The following GTF2IRD2 variants were observed in gnomAD, a reference collection of about 807,000 sequenced individuals.
GTF2IRD2 encodes general transcription factor II-I repeat domain-containing protein 2A.
A neutral mutation model predicts 49.2 loss-of-function variants in GTF2IRD2; 8 were observed. The ratio of observed to expected loss-of-function variants is 0.16; its 90% CI spans 0.10 to 0.29. GTF2IRD2 has a LOEUF of 0.29. Among genes scored for constraint, GTF2IRD2 ranks in the 10% least tolerant of loss-of-function variants. GTF2IRD2 has a pLI of 1.00. For missense variants in GTF2IRD2, 130 were observed against 725.7 expected (o/e 0.18, Z 9.43); for synonymous variants, 47 against 289.7 (o/e 0.16, Z 8.51).
In GTF2IRD2 at chr7:74,797,635, T is replaced by C. The variant is rs1432257704; in HGVS notation, c.1877A>G (p.Asp626Gly). Reference sequence around the variant, plus strand: ...TTTTGTGACAAGCCCGTTATTGGCATCCACCATCGCTGGGGTGCCAGTGGA... The same window carrying C: ...TTTTGTGACAAGCCCGTTATTGGCACCCACCATCGCTGGGGTGCCAGTGGA... ...VASTGTPAMV[D>G]ANNGLVTKLK... The change falls in exon 16 of 16, where the codon GAT becomes GGT. Residue 626 changes from aspartate (D) to glycine (G), a missense_variant. Coordinates refer to ENST00000451013, the MANE Select transcript of GTF2IRD2 (RefSeq NM_173537.5). 6.2e-7 allele frequency: 1 copy of C among 1,605,744 alleles called. No individual in the cohort carries two copies. The highest frequency in any genetic ancestry group is 2.3e-5 in the East Asian group (1 of 44,396).
rs1799014446 is a variant in GTF2IRD2, at chr7:74,822,676, T to C, written c.490A>G (p.Thr164Ala). 1 of 650,894 alleles carries C rather than the reference T, an allele frequency of 1.5e-6. No individual in the cohort carries two copies. The highest frequency in any genetic ancestry group is 3.3e-5 in the Admixed American group (1 of 30,458). 40.3% of individuals were successfully genotyped at this position (650,894 alleles called of 1,614,324 possible). ...TTGTTCTCCAAAATCCATTTCAGGG[T>C]TGCAAGGTCGTAATTCTCAGGGTGT... ...FQHPENYDLA[T>A]LKWILENKAG... The change falls in exon 5 of 16, where the codon ACC becomes GCC. Residue 164 changes from threonine (T) to alanine (A), a missense_variant. Thr to Ala is a moderately conservative substitution (Grantham distance 58). Coordinates refer to ENST00000451013, the MANE Select transcript of GTF2IRD2 (RefSeq NM_173537.5).
At chr7:74,799,740 C>G (rs2529327) in intron 15 of GTF2IRD2, among the ~76,000 whole-genome samples, 3 of 152,396 alleles carry the variant, frequency 2.0e-5, no homozygotes, top group East Asian at 1.9e-4. Flanking sequence ...ACCTGGCCAC[C>G]CTGCAGGTAA....
At chr7:74,824,098 GGAGCTTGCAGTGAGCCGAGATT>G (rs1473584629) in intron 4 of GTF2IRD2, among the ~76,000 whole-genome samples, 2 of 121,266 alleles carry the variant, frequency 1.6e-5, no homozygotes, top group Non-Finnish European at 3.4e-5. Context: ...CCCGAGAGGC[GGAGCTTGCAGTGAGCCGAGATT>G]GAGCCACTGC....
At chr7:74,830,047 G>A (rs1320420427) in intron 3 of GTF2IRD2, among the ~76,000 whole-genome samples, 2 of 150,392 alleles carry the variant, frequency 1.3e-5, no homozygotes, top group Non-Finnish European at 3.0e-5. Flanking sequence ...ATAGATCTAC[G>A]GAATAGGGTA....
At chr7:74,836,544 T>G (rs2131791668) in intron 1 of GTF2IRD2, among the ~76,000 whole-genome samples, 161 bp from the exon 2 acceptor site, 1 of 150,422 alleles carries the variant, frequency 6.6e-6, no homozygotes, top group Non-Finnish European at 1.5e-5. Context: ...AGCTCCTGAA[T>G]AGTAATGCTA....
chr7:74,835,917 G>A (rs1188728836), intron 2 of GTF2IRD2, among the ~76,000 whole-genome samples: 1 of 122,414 alleles, frequency 8.2e-6, no homozygotes, highest in Non-Finnish European at 1.5e-5. Context: ...CCCGGGAGGC[G>A]GAGGTTGCAG....
intron 10 of GTF2IRD2, among the ~76,000 whole-genome samples, chr7:74,809,784 A>G (rs1444877641): frequency 8.2e-5 from 11 of 134,958 alleles, no homozygotes; most frequent in Non-Finnish European, 1.2e-4. Context: ...GGAAATCTTT[A>G]TTATTATTAT....
At chr7:74,798,588 A>C (rs1349158609) in intron 15 of GTF2IRD2, among the ~76,000 whole-genome samples, 2 of 150,172 alleles carry the variant, frequency 1.3e-5, no homozygotes, top group Non-Finnish European at 3.0e-5. Context: ...GGCTCACTGC[A>C]ACTTCTGCCT....
chr7:74,841,232 A>G (rs1800803803), intron 1 of GTF2IRD2, among the ~76,000 whole-genome samples: 1 of 114,064 alleles, frequency 8.8e-6, no homozygotes, highest in Non-Finnish European at 1.7e-5. Flanking sequence ...AAATGGCATG[A>G]TCTTGGCTCA....
At chr7:74,836,888 T>TC (rs1237100596) in intron 1 of GTF2IRD2, among the ~76,000 whole-genome samples, 2 of 137,286 alleles carry the variant, frequency 1.5e-5, no homozygotes, top group African/African-American at 5.9e-5. Context: ...TTTCTTTCTT[T>TC]CTTTTTTTTT....
intron 15 of GTF2IRD2, among the ~76,000 whole-genome samples, chr7:74,798,524 G>T (rs1304482025): frequency 1.3e-4 from 20 of 151,742 alleles, no homozygotes; most frequent in East Asian, 9.8e-4. Flanking sequence ...TGTCGTTGTT[G>T]TTGAGACGGA....
Position 74,802,104 on chromosome 7 carries a change from ATTT to A in GTF2IRD2, c.1218-94_1218-92del, listed in dbSNP as rs1162436877. ...ATTTTTTTTTAATTTTTACTTATTT[ATTT>A]TTTTACAGAAGAATATTTATTTATT... On this transcript the variant is annotated intron_variant, in intron 14 of 15. Transcript: ENST00000451013. 270 of 89,506 alleles carry A rather than the reference ATTT, an allele frequency of 3.0e-3. 31 individuals are homozygous for A. Among genetic ancestry groups the A allele is most frequent in the African/African-American group, 0.016 (241 of 15,258 alleles). The allele number at this position is 89,506 out of a possible 1,614,324, so 5.5% of individuals were successfully genotyped here.
At chr7:74,842,765 G>C (rs587659793) in intron 1 of GTF2IRD2, among the ~76,000 whole-genome samples, 1 of 145,310 alleles carries the variant, frequency 6.9e-6, no homozygotes, top group African/African-American at 2.7e-5. Flanking sequence ...TGTTGCCCAC[G>C]CTGGTCTCAA....
intron 1 of GTF2IRD2, among the ~76,000 whole-genome samples, chr7:74,842,215 T>C (rs1563022485): frequency 7.4e-6 from 1 of 134,440 alleles, no homozygotes; most frequent in Non-Finnish European, 1.6e-5. Context: ...CAGTACACTT[T>C]ATTTTTTTTA....
At chr7:74,842,225 A>C (rs1554421975) in intron 1 of GTF2IRD2, among the ~76,000 whole-genome samples, 2 of 136,008 alleles carry the variant, frequency 1.5e-5, no homozygotes, top group South Asian at 2.5e-4. Context: ...TATTTTTTTT[A>C]ATTTTCTTTT....
intron 9 of GTF2IRD2, among the ~76,000 whole-genome samples, chr7:74,812,537 T>TA (rs1798224653): frequency 1.2e-5 from 1 of 80,410 alleles, no homozygotes; most frequent in African/African-American, 2.9e-5. Context: ...CTCATCTCTG[T>TA]AAAAAAACAA....
intron 3 of GTF2IRD2, among the ~76,000 whole-genome samples, chr7:74,826,094 T>C (rs2131736712): frequency 6.6e-6 from 1 of 151,470 alleles, no homozygotes; most frequent in South Asian, 2.1e-4. Context: ...CAAGTATAGT[T>C]TTCTTGCATG....
rs1554416548 is a variant in GTF2IRD2 at position 74,798,073 on chromosome 7, C to A, written c.1439G>T (p.Arg480Ile). 6.3e-7 allele frequency: 1 copy of A among 1,598,924 alleles called. No individual in the cohort carries two copies. The highest frequency in any genetic ancestry group is 1.7e-5 in the Admixed American group (1 of 57,360). Residue 480 changes from arginine (R) to isoleucine (I), a missense_variant, in exon 16 of 16, where the codon AGA (arginine) becomes ATA (isoleucine). Coordinates refer to ENST00000451013, the MANE Select transcript of GTF2IRD2 (RefSeq NM_173537.5). ...HSKHYDQYME[R>I]MRDEKLHELK... ...CTCGTGAAGCTTCTCGTCACGCATT[C>A]TTTCCATATACTGGTCATAATGCTT...
chr7:74,818,186 A>G (rs1314979543), intron 8 of GTF2IRD2, among the ~76,000 whole-genome samples: 1 of 36,746 alleles, frequency 2.7e-5, no homozygotes, highest in African/African-American at 1.3e-4. Context: ...TTTTTCCAGT[A>G]TACACTGTCA....
Sources: allele counts gnomAD v4.1 joint callset (sites outside exome capture counted in the v4.1 genomes callset), GRCh38; gene constraint gnomAD v4.1.1; transcripts MANE v1.5; gene names NCBI Gene and HGNC (gene_info 2026-07-23, HGNC 2026-07-21).